RGS6: variants seen among roughly 807,000 people sequenced by gnomAD.
RGS6 encodes regulator of G protein signaling 6.
Under a neutral mutation model 78.5 loss-of-function variants are expected in RGS6, and 30 were observed. The observed-to-expected ratio is 0.38, with a 90% CI of 0.29 to 0.52. The LOEUF (loss-of-function observed/expected upper bound fraction) is 0.52. RGS6 is among the 20% of genes least tolerant of loss of function. The pLI is 0.85. For synonymous variants in RGS6, 206 were observed against 206.0 expected (o/e 1.00, Z 0.00); for missense variants, 495 against 609.7 (o/e 0.81, Z 1.98).
the RGS6 span, among the ~76,000 whole-genome samples, chr14:71,889,936 A>G: frequency 6.6e-6 from 1 of 152,020 alleles, no homozygotes; most frequent in Non-Finnish European, 1.5e-5. Flanking sequence ...CCTGCCATAT[A>G]TTAGTTGGAT....
chr14:72,512,068 C>A (rs2096885031), intron 14 of RGS6, among the ~76,000 whole-genome samples: 1 of 152,148 alleles, frequency 6.6e-6, no homozygotes, highest in African/African-American at 2.4e-5. Flanking sequence ...TCCACCCCCT[C>A]CATGGTCCCT....
At chr14:71,993,426 A>C (rs1273552365) in intron 2 of RGS6, among the ~76,000 whole-genome samples, 1 of 152,188 alleles carries the variant, frequency 6.6e-6, no homozygotes, top group Non-Finnish European at 1.5e-5. Flanking sequence ...ATAATAATGA[A>C]ATGAATAGTT....
chr14:72,316,047 A>G (rs916060600), intron 2 of RGS6, among the ~76,000 whole-genome samples: 1 of 152,212 alleles, frequency 6.6e-6, no homozygotes, highest in African/African-American at 2.4e-5. Context: ...TCTCTCCCCA[A>G]GTAGGTAAAG....
chr14:72,102,531 C>T (rs947430562), intron 2 of RGS6, among the ~76,000 whole-genome samples: 8 of 152,050 alleles, frequency 5.3e-5, no homozygotes, highest in Non-Finnish European at 7.4e-5. Flanking sequence ...TTACAAGATA[C>T]GTATTATCTC....
intron 2 of RGS6, among the ~76,000 whole-genome samples, chr14:71,998,633 A>G (rs2082820888): frequency 6.6e-6 from 1 of 152,252 alleles, no homozygotes; most frequent in Admixed American, 6.5e-5. Flanking sequence ...AAGCCAAAGC[A>G]TGGCCCTCAT....
At chr14:72,100,829 G>T (rs2095513599) in intron 2 of RGS6, among the ~76,000 whole-genome samples, 1 of 152,114 alleles carries the variant, frequency 6.6e-6, no homozygotes. Flanking sequence ...TTAAATCATA[G>T]TCTCTGGGAG....
rs377358892 is a variant in RGS6, at chr14:72,454,497, G to T, written c.185-31G>T. The T allele has an allele frequency of 5.6e-5, 90 of 1,610,522 alleles. No homozygotes were observed. In the African/African-American group the frequency reaches 1.1e-3, roughly 20 times the overall value. ...TGCCACAGTGTTAAACACCCAGGAGGTCTTCAGCTGAAATTGCTTTATCGT... is the reference window on the plus strand; with the variant it reads ...TGCCACAGTGTTAAACACCCAGGAGTTCTTCAGCTGAAATTGCTTTATCGT... On this transcript the variant is annotated intron_variant, in intron 3 of 17. Coordinates refer to ENST00000553525, the MANE Select transcript of RGS6 (RefSeq NM_001204424.2).
At chr14:72,391,275 C>A (rs1198890630) in intron 3 of RGS6, among the ~76,000 whole-genome samples, 1 of 151,996 alleles carries the variant, frequency 6.6e-6, no homozygotes, top group Admixed American at 6.6e-5. Flanking sequence ...AAATTCAACA[C>A]CATATTGTGA....
chr14:72,127,570 A>G (rs759097397), intron 2 of RGS6, among the ~76,000 whole-genome samples: 1 of 152,184 alleles, frequency 6.6e-6, no homozygotes, highest in Non-Finnish European at 1.5e-5. Context: ...ATAAAGTTTC[A>G]GTAGAGTTTT....
chr14:72,419,010 G>A (rs1223985676), intron 3 of RGS6, among the ~76,000 whole-genome samples: 1 of 152,202 alleles, frequency 6.6e-6, no homozygotes, highest in Admixed American at 6.5e-5. Flanking sequence ...ACCCAAAGCT[G>A]GAGCCCACCC....
chr14:72,180,316 C>T (rs970498823), intron 2 of RGS6, among the ~76,000 whole-genome samples: 1 of 152,158 alleles, frequency 6.6e-6, no homozygotes, highest in Non-Finnish European at 1.5e-5. Context: ...GACAAAGGCA[C>T]CTCTCCAGAT....
At chr14:72,545,800 C>T (rs1020005932) in intron 17 of RGS6, among the ~76,000 whole-genome samples, 2 of 152,156 alleles carry the variant, frequency 1.3e-5, no homozygotes, top group Non-Finnish European at 2.9e-5. Context: ...CACTCGTCCA[C>T]GGTGAGTCGC....
At chr14:72,093,512 G>A (rs578215484) in intron 2 of RGS6, among the ~76,000 whole-genome samples, 2 of 152,278 alleles carry the variant, frequency 1.3e-5, no homozygotes, top group East Asian at 3.9e-4. Flanking sequence ...CTAAAGTGCT[G>A]GCACTACAGC....
intron 2 of RGS6, among the ~76,000 whole-genome samples, chr14:72,026,241 T>C (rs2089821595): frequency 6.6e-6 from 1 of 151,876 alleles, no homozygotes; most frequent in Non-Finnish European, 1.5e-5. Context: ...ACCCTGTCTC[T>C]GTTAAAAATA....
At chr14:72,236,454 A>G (rs571318615) in intron 2 of RGS6, among the ~76,000 whole-genome samples, 1 of 152,346 alleles carries the variant, frequency 6.6e-6, no homozygotes, top group Non-Finnish European at 1.5e-5. Context: ...CTTTCCATTC[A>G]TTGAGTTTTG....
At chr14:72,289,329 TTC>T (rs3831615) in intron 2 of RGS6, among the ~76,000 whole-genome samples, 98,845 of 147,048 alleles carry the variant, frequency 0.67, 33,299 homozygotes, top group East Asian at 0.85. Flanking sequence ...TTTTCTTTCT[TTC>T]TCTCTCTCTC....
At chr14:72,064,254 C>T (rs1029175167) in intron 2 of RGS6, among the ~76,000 whole-genome samples, 2 of 151,894 alleles carry the variant, frequency 1.3e-5, no homozygotes, top group Non-Finnish European at 2.9e-5. Flanking sequence ...AGGGTGAAGA[C>T]ATAAAGTGGG....
intron 2 of RGS6, among the ~76,000 whole-genome samples, chr14:72,196,295 TCAGATTAAC>T (rs1180826779): frequency 2.6e-5 from 4 of 152,086 alleles, no homozygotes; most frequent in Non-Finnish European, 4.4e-5. Flanking sequence ...GGAGAGGCTG[TCAGATTAAC>T]CAGTTTATGG....
At chr14:72,380,186 C>A (rs1051369618) in intron 3 of RGS6, among the ~76,000 whole-genome samples, 1 of 151,980 alleles carries the variant, frequency 6.6e-6, no homozygotes, top group African/African-American at 2.4e-5. Flanking sequence ...GGATCAAAGA[C>A]CTAAATGCAA....
Sources: allele counts gnomAD v4.1 joint callset (sites outside exome capture counted in the v4.1 genomes callset), GRCh38; gene constraint gnomAD v4.1.1; transcripts MANE v1.5; gene names NCBI Gene and HGNC (gene_info 2026-07-23, HGNC 2026-07-21).